Variants in KCNT2 observed in about 807,000 individuals in gnomAD.
KCNT2 encodes potassium sodium-activated channel subfamily T member 2, also known as potassium channel subfamily T member 2.
Under a neutral mutation model 153.8 loss-of-function variants are expected in KCNT2, and 67 were observed. The observed-to-expected ratio is 0.44, with a 90% CI of 0.36 to 0.53. KCNT2 has a LOEUF of 0.53. KCNT2 is among the 20% of genes least tolerant of loss of function. The pLI, the probability that KCNT2 is intolerant of heterozygous loss-of-function variation, is 0.00. For missense variants in KCNT2, 975 were observed against 1,354.8 expected, an observed-to-expected ratio of 0.72 and a Z score of 4.40; for synonymous variants, 500 against 458.8, an observed-to-expected ratio of 1.09 and a Z score of -1.15.
At chr1:196,303,150 G>A (rs1661339878) in intron 22 of KCNT2, among the ~76,000 whole-genome samples, 1 of 152,038 alleles carries the variant, frequency 6.6e-6, no homozygotes, top group Admixed American at 6.6e-5. Context: ...TCCCTGAGAT[G>A]GATGCAAATC....
intron 27 of KCNT2, among the ~76,000 whole-genome samples, chr1:196,233,312 T>G (rs1409107577): frequency 6.6e-6 from 1 of 151,432 alleles, no homozygotes; most frequent in South Asian, 2.1e-4. Context: ...AATAAAGCAA[T>G]ATTATACTTG....
At chr1:196,604,648 A>C (rs1013269744) in intron 1 of KCNT2, among the ~76,000 whole-genome samples, 1 of 152,102 alleles carries the variant, frequency 6.6e-6, no homozygotes, top group African/African-American at 2.4e-5. Flanking sequence ...AGTGCAAATG[A>C]GAGAGAAGCA....
intron 1 of KCNT2, among the ~76,000 whole-genome samples, chr1:196,521,576 A>C (rs1339630827): frequency 1.3e-5 from 2 of 152,226 alleles, no homozygotes; most frequent in African/African-American, 4.8e-5. Context: ...AGACTGAAAA[A>C]AGAAAATGTG....
rs1671165141 is a variant in KCNT2 at position 196,398,752 on chromosome 1, C to T, written c.1186-81G>A. The T allele has an allele frequency of 5.5e-6, 4 of 721,622 alleles. No individual in the cohort carries two copies. In the South Asian group the frequency reaches 5.8e-5, roughly 10 times the overall value. 44.7% of individuals were successfully genotyped at this position (721,622 alleles called of 1,614,324 possible). A position where few individuals can be genotyped will look rare whatever the true frequency, so the allele number is the denominator to read the frequency against. On this transcript the variant is annotated intron_variant, in intron 12 of 27. Transcript: ENST00000294725. ...AAAGTAAAAGTAAGCAATCAGTTTG[C>T]TTGGTCACATCCATAGTTAAAACTT... is the stretch of plus-strand genomic sequence containing the variant.
intron 1 of KCNT2, among the ~76,000 whole-genome samples, chr1:196,503,923 C>A (rs1405508646): frequency 6.6e-6 from 1 of 152,054 alleles, no homozygotes; most frequent in Non-Finnish European, 1.5e-5. Context: ...TTTAAGATTT[C>A]TCTTAGTATG....
At position 196,465,278 on chromosome 1, in the gene KCNT2, T is replaced by C. The variant is rs368729075; in HGVS notation, c.638+15A>G. 19 of 1,287,262 alleles carry C rather than the reference T, an allele frequency of 1.5e-5. No individual in the cohort carries two copies. The highest frequency in any genetic ancestry group is 2.1e-5 in the Non-Finnish European group (19 of 896,838). The allele number at this position is 1,287,262 out of a possible 1,614,324, so 79.7% of individuals were successfully genotyped here. ...AAATGAAACATAACACAAATTCTGA[T>C]ATGTACAATCTTACCAGGTGAAGAT... is the stretch of plus-strand genomic sequence containing the variant. On this transcript the variant is annotated intron_variant, in intron 8 of 27. Coordinates refer to ENST00000294725, the MANE Select transcript of KCNT2 (RefSeq NM_198503.5).
chr1:196,398,770 T>C, intron 12 of KCNT2, 99 bp from the exon 13 acceptor site: 2 of 591,168 alleles, frequency 3.4e-6, no homozygotes, highest in Admixed American at 3.4e-5. Flanking sequence ...CATCCATAGT[T>C]AAAACTTAAA....
chr1:196,514,977 A>G (rs1462183055), intron 1 of KCNT2, among the ~76,000 whole-genome samples: 1 of 152,236 alleles, frequency 6.6e-6, no homozygotes, highest in Admixed American at 6.5e-5. Flanking sequence ...AACCCACAAC[A>G]GATGAGTTCT....
At chr1:196,315,293 C>G (rs547225081) in intron 21 of KCNT2, among the ~76,000 whole-genome samples, 1 of 151,554 alleles carries the variant, frequency 6.6e-6, no homozygotes, top group African/African-American at 2.4e-5. Context: ...GAATGACAGA[C>G]GAGTTTGACT....
intron 6 of KCNT2, among the ~76,000 whole-genome samples, chr1:196,468,766 A>G (rs941888706): frequency 2.6e-5 from 4 of 152,110 alleles, no homozygotes; most frequent in African/African-American, 7.2e-5. Flanking sequence ...TCCCCAGAAC[A>G]TATATCTCTT....
chr1:196,535,193 A>T (rs1393423772), intron 1 of KCNT2, among the ~76,000 whole-genome samples: 1 of 152,170 alleles, frequency 6.6e-6, no homozygotes, highest in African/African-American at 2.4e-5. Flanking sequence ...GAGGAGTGTA[A>T]GACTGTACCA....
At chr1:196,465,613 T>A (rs1354644223) in intron 7 of KCNT2, among the ~76,000 whole-genome samples, 1 of 151,892 alleles carries the variant, frequency 6.6e-6, no homozygotes, top group Non-Finnish European at 1.5e-5. Context: ...GTAGGAAGAC[T>A]ACCAAAGCAC....
At chr1:196,593,504 A>G (rs1413316979) in intron 1 of KCNT2, among the ~76,000 whole-genome samples, 1 of 151,878 alleles carries the variant, frequency 6.6e-6, no homozygotes, top group East Asian at 1.9e-4. Context: ...CTCTGGGTAG[A>G]TACCCAGTAG....
chr1:196,404,020 C>T (rs2148458673), intron 12 of KCNT2: 1 of 230,636 alleles, frequency 4.3e-6, no homozygotes, highest in Non-Finnish European at 7.1e-6. Flanking sequence ...CACTTGGTTA[C>T]CCTTTGACAT....
At chr1:196,535,426 A>G (rs1395942634) in intron 1 of KCNT2, among the ~76,000 whole-genome samples, 1 of 152,260 alleles carries the variant, frequency 6.6e-6, no homozygotes, top group Non-Finnish European at 1.5e-5. Flanking sequence ...TCTGCTAATG[A>G]TAATTCCAAT....
At chr1:196,289,861 A>G (rs1244350584) in intron 22 of KCNT2, among the ~76,000 whole-genome samples, 1 of 152,104 alleles carries the variant, frequency 6.6e-6, no homozygotes, top group Non-Finnish European at 1.5e-5. Context: ...ATACTTATAT[A>G]AGTATCTAAA....
At chr1:196,464,250 T>C (rs1677407487) in intron 8 of KCNT2, among the ~76,000 whole-genome samples, 1 of 151,750 alleles carries the variant, frequency 6.6e-6, no homozygotes, top group African/African-American at 2.4e-5. Context: ...TAAAGACAGT[T>C]TGCGAAAGGT....
At chr1:196,564,188 C>G (rs1275775206) in intron 1 of KCNT2, among the ~76,000 whole-genome samples, 1 of 151,588 alleles carries the variant, frequency 6.6e-6, no homozygotes, top group Non-Finnish European at 1.5e-5. Context: ...TACAAAATCA[C>G]ATACTAAAAT....
chr1:196,434,969 T>G (rs1674491515), intron 8 of KCNT2, among the ~76,000 whole-genome samples: 1 of 151,076 alleles, frequency 6.6e-6, no homozygotes, highest in African/African-American at 2.4e-5. Flanking sequence ...CCTCCATTTC[T>G]CCTCAGGCCA....
Sources: allele counts gnomAD v4.1 joint callset (sites outside exome capture counted in the v4.1 genomes callset), GRCh38; gene constraint gnomAD v4.1.1; transcripts MANE v1.5; gene names NCBI Gene and HGNC (gene_info 2026-07-23, HGNC 2026-07-21).